WDR70: variants seen among roughly 807,000 people sequenced by gnomAD.
WDR70 encodes WD repeat domain 70.
Under a neutral mutation model 88.6 loss-of-function variants are expected in WDR70, and 53 were observed. That is an observed-to-expected ratio of 0.60 (90% CI 0.48 to 0.75). WDR70 has a LOEUF of 0.75. Among genes scored for constraint, WDR70 ranks in the 30% least tolerant of loss-of-function variants. The pLI is 0.00. For synonymous variants in WDR70, 280 were observed against 270.0 expected (o/e 1.04, Z -0.36); for missense variants, 610 against 823.2 (o/e 0.74, Z 3.17).
At chr5:37,668,302 C>G (rs1040193233) in intron 10 of WDR70, among the ~76,000 whole-genome samples, 1 of 152,092 alleles carries the variant, frequency 6.6e-6, no homozygotes, top group African/African-American at 2.4e-5. Context: ...ATATTTAAGT[C>G]ATCTAATCAG....
chr5:37,509,906 A>G (rs1454394627), intron 8 of WDR70, among the ~76,000 whole-genome samples: 1 of 151,858 alleles, frequency 6.6e-6, no homozygotes, highest in Non-Finnish European at 1.5e-5. Flanking sequence ...TATAATAAAT[A>G]AAAAATCAGC....
chr5:37,405,844 G>A (rs556451144), intron 5 of WDR70, among the ~76,000 whole-genome samples: 3 of 152,032 alleles, frequency 2.0e-5, no homozygotes, highest in African/African-American at 4.8e-5. Context: ...CCGGGAGTTC[G>A]AGACCATCCT....
chr5:37,729,052 G>T lies in WDR70; in HGVS notation c.1877+2007G>T, dbSNP rs115885085. On this transcript the variant is annotated intron_variant, in intron 17 of 17. Transcript: ENST00000265107. ...TATCATTTAGTTTGTTGCTCAAATT[G>T]TTCCACCTTTGGCCAATAGAAGCTG... 8.3e-3 allele frequency among the ~76,000 whole-genome samples: 1,267 copies of T among 152,146 alleles called. 17 individuals carry two copies. The highest frequency in any genetic ancestry group is 0.028 in the African/African-American group (1,173 of 41,504).
chr5:37,703,234 G>A, intron 13 of WDR70, 147 bp downstream of exon 13: 1 of 955,272 alleles, frequency 1.0e-6, no homozygotes, highest in East Asian at 2.6e-5. Flanking sequence ...GGAGTTATCA[G>A]TATGTTGTGG....
At chr5:37,686,473 A>G (rs1297578481) in intron 10 of WDR70, among the ~76,000 whole-genome samples, 1 of 150,466 alleles carries the variant, frequency 6.6e-6, no homozygotes, top group Non-Finnish European at 1.5e-5. Flanking sequence ...CCAGCTTAAA[A>G]AGTTGTTGCC....
chr5:37,632,155 C>T (rs955096147), intron 10 of WDR70, among the ~76,000 whole-genome samples: 2 of 152,172 alleles, frequency 1.3e-5, no homozygotes, highest in African/African-American at 4.8e-5. Flanking sequence ...GCCATCTTAA[C>T]ATTACAGCAC....
At position 37,706,877 on chromosome 5, in the gene WDR70, CTTTTG is replaced by C. The variant is rs1747342943; in HGVS notation, c.1416+3795_1416+3799del. Among the ~76,000 whole-genome samples, 2 of 151,756 alleles carry C rather than the reference CTTTTG, an allele frequency of 1.3e-5. 1 individual carries two copies. The highest frequency in any genetic ancestry group is 4.2e-4 in the South Asian group (2 of 4,806). On this transcript the variant is annotated intron_variant, in intron 13 of 17. Coordinates refer to ENST00000265107, the MANE Select transcript of WDR70 (RefSeq NM_018034.4). ...CTTGAATCTTGAGTTTACAAATTCA[CTTTTG>C]TTTTTTTTTGTAAGACAGCAGTTTA...
chr5:37,394,321 T>C (rs1213662899), intron 4 of WDR70, among the ~76,000 whole-genome samples: 2 of 151,382 alleles, frequency 1.3e-5, no homozygotes, highest in African/African-American at 2.4e-5. Context: ...TTTAAACCAG[T>C]GCAGCTGGAA....
chr5:37,667,159 G>T (rs1004494500), intron 10 of WDR70, among the ~76,000 whole-genome samples: 1 of 152,024 alleles, frequency 6.6e-6, no homozygotes, highest in Non-Finnish European at 1.5e-5. Context: ...AATGCAAAAA[G>T]AATGCATTAT....
intron 7 of WDR70, among the ~76,000 whole-genome samples, chr5:37,475,577 G>A (rs915022489): frequency 6.6e-6 from 1 of 152,098 alleles, no homozygotes; most frequent in African/African-American, 2.4e-5. Context: ...CCTGATATTC[G>A]TAAGATATAC....
At chr5:37,670,940 T>C (rs545028047) in intron 10 of WDR70, among the ~76,000 whole-genome samples, 1 of 152,240 alleles carries the variant, frequency 6.6e-6, no homozygotes, top group Non-Finnish European at 1.5e-5. Flanking sequence ...ATGACAGTTC[T>C]ATACTTGTAT....
chr5:37,498,052 T>C (rs1169264642), intron 8 of WDR70, among the ~76,000 whole-genome samples: 1 of 152,088 alleles, frequency 6.6e-6, no homozygotes, highest in Non-Finnish European at 1.5e-5. Context: ...GAACTCGTGG[T>C]CTCCAGTGAT....
chr5:37,526,386 T>C (rs1741273467), intron 9 of WDR70, among the ~76,000 whole-genome samples: 1 of 152,166 alleles, frequency 6.6e-6, no homozygotes, highest in Non-Finnish European at 1.5e-5. Context: ...AAAAACCACA[T>C]GATTATCTCA....
chr5:37,690,236 TTG>T (rs1298667393), intron 10 of WDR70, among the ~76,000 whole-genome samples: 1 of 152,336 alleles, frequency 6.6e-6, no homozygotes, highest in Non-Finnish European at 1.5e-5. Flanking sequence ...CTATGTTTGA[TTG>T]GTGTACCTGA....
intron 8 of WDR70, among the ~76,000 whole-genome samples, chr5:37,482,686 A>C (rs1739710019): frequency 6.6e-6 from 1 of 152,182 alleles, no homozygotes; most frequent in Admixed American, 6.5e-5. Flanking sequence ...CATGGAAATT[A>C]ATTAAGTACC....
In WDR70 at chr5:37,701,054, T is replaced by C. The variant is rs369288805; in HGVS notation, c.1193-4T>C. 20 of 1,597,678 alleles carry C rather than the reference T, an allele frequency of 1.3e-5. No individual in the cohort carries two copies. The highest frequency in any genetic ancestry group is 1.7e-5 in the Non-Finnish European group (20 of 1,165,466). ...TCTTTTTTTTCCCCTCATTCCTCTG[T>C]CAGGTGACGATTCATTAAAATTATG... On this transcript the variant is annotated splice_region_variant and splice_polypyrimidine_tract_variant and intron_variant, in intron 11 of 17. Transcript: ENST00000265107.
chr5:37,582,838 GC>G (rs1489146295), intron 9 of WDR70, among the ~76,000 whole-genome samples: 3 of 152,202 alleles, frequency 2.0e-5, no homozygotes, highest in Non-Finnish European at 4.4e-5. Context: ...TGGAGAGTAT[GC>G]CAAGTTTCAT....
intron 9 of WDR70, among the ~76,000 whole-genome samples, chr5:37,570,022 T>C (rs1742855411): frequency 6.6e-6 from 1 of 152,162 alleles, no homozygotes; most frequent in Admixed American, 6.5e-5. Context: ...TGCAAGATGC[T>C]ATAAGACATA....
intron 17 of WDR70, among the ~76,000 whole-genome samples, chr5:37,727,568 C>T (rs904023738): frequency 5.9e-5 from 9 of 151,954 alleles, no homozygotes; most frequent in Non-Finnish European, 1.2e-4. Flanking sequence ...TAGAATTTTC[C>T]GTTTTTATTT....
Sources: gnomAD v4.1 joint callset for allele counts (sites outside exome capture counted in the v4.1 genomes callset) on GRCh38, gnomAD v4.1.1 for gene constraint, MANE v1.5 for transcripts, NCBI Gene and HGNC (gene_info 2026-07-23, HGNC 2026-07-21) for gene names.